Variants in TBX3 observed in about 807,000 individuals in gnomAD.
TBX3 encodes T-box transcription factor 3.
TBX3 carries 11 observed loss-of-function variants against 47.8 expected under a neutral mutation model. The ratio of observed to expected loss-of-function variants is 0.23; its 90% CI spans 0.14 to 0.38. TBX3 has a LOEUF of 0.38. Among genes scored for constraint, TBX3 ranks in the 10% least tolerant of loss-of-function variants. The pLI is 1.00. For synonymous variants in TBX3, 500 were observed against 449.3 expected (o/e 1.11, Z -1.43); for missense variants, 927 against 1,022.8 (o/e 0.91, Z 1.28).
rs1214834962 is a variant in TBX3 at position 114,674,760 on chromosome 12, G to A, written c.1115C>T (p.Ala372Val). The A allele has an allele frequency of 3.8e-6, 6 of 1,590,830 alleles. No homozygotes were observed. The highest frequency in any genetic ancestry group is 3.4e-5 in the South Asian group (3 of 88,516). The change falls in exon 6 of 7, where the codon GCG becomes GTG. Residue 372 changes from alanine to valine, a missense_variant. Around this residue, in one of 5 missense-constraint regions of TBX3, gnomAD observed 623 missense variants for 569.0 expected, o/e 1.09. Coordinates refer to ENST00000349155, the MANE Select transcript of TBX3 (RefSeq NM_005996.4). ...KEEHGPEACD[A>V]AKISTTTSEE... ...CGACGTGGTGGTGGAGATCTTGGCC[G>A]CGTCGCAGGCCTCGGGGCCATGCTC...
chr12:114,680,044 C>T (rs370604823), intron 2 of TBX3: 20 of 1,498,366 alleles, frequency 1.3e-5, no homozygotes, highest in East Asian at 4.6e-5. Context: ...CACTAATTGA[C>T]GAGCCCAATC....
Position 114,674,194 on chromosome 12 carries a change from G to T in TBX3, c.1681C>A (p.His561Asn). 1 of 1,583,806 alleles carries T rather than the reference G, an allele frequency of 6.3e-7. No homozygotes were observed. Among genetic ancestry groups the T allele is most frequent in the Non-Finnish European group, 8.6e-7 (1 of 1,166,836 alleles). Residue 561 changes from histidine (H) to asparagine (N), a missense_variant, in exon 6 of 7, where the codon CAC becomes AAC. His to Asn is a moderately conservative substitution (Grantham distance 68, BLOSUM62 1). Around this residue, in one of 5 missense-constraint regions of TBX3, gnomAD observed 623 missense variants for 569.0 expected, o/e 1.09. Coordinates refer to ENST00000349155, the MANE Select transcript of TBX3 (RefSeq NM_005996.4). ...GAGGCCAGGACGTGCTGCTGGAGGTGGAAGGGCAGGGTGGCCGCGGACGCC... is the reference window on the plus strand; with the variant it reads ...GAGGCCAGGACGTGCTGCTGGAGGTTGAAGGGCAGGGTGGCCGCGGACGCC... Reference protein sequence around the residue: ...SGASAATLPFHLQQHVLASQG... With the variant: ...SGASAATLPFNLQQHVLASQG...
rs772620679 is a variant in TBX3, at chr12:114,674,326, C to T, written c.1549G>A (p.Ala517Thr). ...GTGGCCAGGAGGGGACCCATGCCAG[C>T]GGCCGCCATGCTGGAGAAGGCGCCC... ...MGGAFSSMAA[A>T]GMGPLLATVS... Residue 517 changes from alanine (A) to threonine (T), a missense_variant, in exon 6 of 7, where the codon GCT (alanine) becomes ACT (threonine). Ala to Thr is a moderately conservative substitution (Grantham distance 58). Transcript: ENST00000349155. The T allele has an allele frequency of 1.0e-5, 16 of 1,568,636 alleles. No individual in the cohort carries two copies. The African/African-American group carries it at 1.6e-4, about 16-fold the overall frequency.
At chr12:114,677,994 TAATC>T (rs1868778703) in intron 3 of TBX3, among the ~76,000 whole-genome samples, 1 of 150,720 alleles carries the variant, frequency 6.6e-6, no homozygotes, top group Non-Finnish European at 1.5e-5. Context: ...ACAGTGCAAT[TAATC>T]ATAAATTATA....
In TBX3 at chr12:114,683,127, G is replaced by C. The variant is rs2121160263; in HGVS notation, c.74C>G (p.Ala25Gly). 1 of 1,612,656 alleles carries C rather than the reference G, an allele frequency of 6.2e-7. No homozygotes were observed. Among genetic ancestry groups the C allele is most frequent in the Non-Finnish European group, 8.5e-7 (1 of 1,179,640 alleles). ...MAYHPFLPHRAPDFAMSAVLG... is the reference protein window; with the variant it reads ...MAYHPFLPHRGPDFAMSAVLG... ...CACCGCGCTCATGGCGAAGTCCGGC[G>C]CCCGGTGAGGTAGGAACGGATGGTA... is the stretch of plus-strand genomic sequence containing the variant. Residue 25 changes from alanine (A) to glycine (G), a missense_variant, in exon 1 of 7, where the codon GCG becomes GGG. By Grantham distance (60) the Ala-to-Gly change is moderately conservative. Around this residue, in one of 5 missense-constraint regions of TBX3, gnomAD observed 216 missense variants for 281.2 expected, o/e 0.77. Transcript: ENST00000349155. The surrounding 1 kb of genome is among the most constrained non-coding windows in gnomAD (Gnocchi z 7.7).
intron 1 of TBX3, among the ~76,000 whole-genome samples, chr12:114,681,609 T>A (rs1868929909): frequency 6.6e-6 from 1 of 152,208 alleles, no homozygotes; most frequent in Non-Finnish European, 1.5e-5. Context: ...ATCAAGGAAA[T>A]GAACGTCAAG....
intron 6 of TBX3, 62 bp downstream of exon 6, chr12:114,674,103 A>G: frequency 6.4e-7 from 1 of 1,553,588 alleles, no homozygotes; most frequent in Non-Finnish European, 8.7e-7. Flanking sequence ...TCTGCTGGCA[A>G]AGGACAGGGA....
chr12:114,677,823 T>C (rs969207709), intron 3 of TBX3, among the ~76,000 whole-genome samples, 167 bp from the exon 4 acceptor site: 4 of 152,102 alleles, frequency 2.6e-5, no homozygotes, highest in Non-Finnish European at 5.9e-5. Flanking sequence ...GGCTTGTATC[T>C]CCTATATGAG....
rs1258087026 is a variant in TBX3, at chr12:114,674,455, C to T, written c.1420G>A (p.Ala474Thr). 4.5e-6 allele frequency: 7 copies of T among 1,544,892 alleles called. No homozygotes were observed. The highest frequency in any genetic ancestry group is 1.8e-4 in the Middle Eastern group (1 of 5,588). The change falls in exon 6 of 7, where the codon GCC becomes ACC. Residue 474 changes from alanine (A) to threonine (T), a missense_variant. Physicochemically the swap from Ala to Thr is moderately conservative, Grantham distance 58. Coordinates refer to ENST00000349155, the MANE Select transcript of TBX3 (RefSeq NM_005996.4). ...CCGAGGCCAGGCAGGGGGCCCTGGG[C>T]CAGGTGCGCGGCGGCCGCGTCCGTC... ...VQTDAAAAHL[A>T]QGPLPGLGFA...
rs1869024573 is a variant in TBX3 at position 114,683,210 on chromosome 12, G to A, written c.-10C>T. ...TCATGGAGAGGCTCATCCACTCCAG[G>A]CGGGGCGCTGGGCTCCAGCCGGGGA... is the stretch of plus-strand genomic sequence containing the variant. On this transcript the variant is annotated 5_prime_UTR_variant, in exon 1 of 7. Coordinates refer to ENST00000349155, the MANE Select transcript of TBX3 (RefSeq NM_005996.4). The surrounding 1 kb of genome is among the most constrained non-coding windows in gnomAD (Gnocchi z 7.7). 1 of 1,608,000 alleles carries A rather than the reference G, an allele frequency of 6.2e-7. No individual in the cohort carries two copies.
chr12:114,679,697 C>T (rs2121396586), intron 2 of TBX3, 46 bp from the exon 3 acceptor site: 1 of 1,613,634 alleles, frequency 6.2e-7, no homozygotes, highest in Non-Finnish European at 8.5e-7. Flanking sequence ...AAGGATTTAG[C>T]AGAACAAACG....
chr12:114,674,372 G>C lies in TBX3; in HGVS notation c.1503C>G (p.His501Gln). ...CGCCCCCCATGGCAAACTGGCTGGG[G>C]TGCAGGAAGAGCGGGTGCCCGTTGA... is the stretch of plus-strand genomic sequence containing the variant. Reference protein sequence around the residue: ...QFFNGHPLFLHPSQFAMGGAF... With the variant: ...QFFNGHPLFLQPSQFAMGGAF... The change falls in exon 6 of 7, where the codon CAC (histidine) becomes CAG (glutamine). Residue 501 changes from histidine to glutamine, a missense_variant. This residue lies in a region of TBX3 where 623 missense variants were observed against 569.0 expected (regional missense o/e 1.09). Transcript: ENST00000349155. 6.4e-7 allele frequency: 1 copy of C among 1,554,642 alleles called. No homozygotes were observed. The highest frequency in any genetic ancestry group is 1.2e-5 in the South Asian group (1 of 84,310).
chr12:114,676,341 G>A lies in TBX3; in HGVS notation c.1011C>T (p.Ala337=), dbSNP rs745496316. 2.5e-6 allele frequency: 4 copies of A among 1,614,002 alleles called. No individual in the cohort carries two copies. The East Asian group carries it at 8.9e-5, about 36-fold the overall frequency. Residue 337 remains alanine, a synonymous_variant, in exon 5 of 7, where the codon GCC becomes GCT. Transcript: ENST00000349155. ...TGAGGTTCGATGTCCCTACAGTGGAGGCGGCTGGAGAAGAAGCCTGGGCGA... is the reference window on the plus strand; with the variant it reads ...TGAGGTTCGATGTCCCTACAGTGGAAGCGGCTGGAGAAGAAGCCTGGGCGA... The part of the protein sequence containing the change: ...NCFAQASSPA[A]STVGTSNLKD...
intron 6 of TBX3, among the ~76,000 whole-genome samples, chr12:114,672,946 ATCG>A (rs1185456282): frequency 2.0e-5 from 3 of 152,232 alleles, no homozygotes; most frequent in Non-Finnish European, 4.4e-5. Context: ...AGACAAAGAA[ATCG>A]TCCAGCATGA....
chr12:114,673,639 G>A (rs905539820), intron 6 of TBX3, among the ~76,000 whole-genome samples: 14 of 152,160 alleles, frequency 9.2e-5, no homozygotes, highest in Non-Finnish European at 1.5e-4. Context: ...CTGGGGAAGG[G>A]TTGGCTATGA....
intron 2 of TBX3, chr12:114,680,410 CT>C (rs2121151836): frequency 3.5e-6 from 1 of 286,136 alleles, no homozygotes; most frequent in Non-Finnish European, 6.6e-6. Context: ...AAGCCCAATT[CT>C]TTTTTTAGTA....
At chr12:114,680,728 AC>A in intron 2 of TBX3, 150 bp downstream of exon 2, 3 of 1,165,568 alleles carry the variant, frequency 2.6e-6, no homozygotes, top group Non-Finnish European at 3.8e-6. Context: ...GGAGAGAAAC[AC>A]CCCGAATCCT....
intron 3 of TBX3, 98 bp downstream of exon 3, chr12:114,679,407 C>T (rs1227575423): frequency 8.5e-6 from 13 of 1,529,244 alleles, no homozygotes; most frequent in South Asian, 2.3e-5. Context: ...TCAAGACTCT[C>T]GTCTCCACTC....
intron 4 of TBX3, 93 bp downstream of exon 4, chr12:114,677,487 T>C (rs1227097658): frequency 8.2e-6 from 10 of 1,218,286 alleles, no homozygotes; most frequent in Non-Finnish European, 1.2e-5. Flanking sequence ...GCTCTTAGGA[T>C]AAGTGCCTGC....
Sources: gnomAD v4.1 joint callset for allele counts (sites outside exome capture counted in the v4.1 genomes callset) on GRCh38, gnomAD v4.1.1 for gene constraint, gnomAD v4.1.1 regional missense constraint, Gnocchi (gnomAD v3.1) non-coding constraint, MANE v1.5 for transcripts, NCBI Gene and HGNC (gene_info 2026-07-23, HGNC 2026-07-21) for gene names.